The following ZBTB7B variants were observed in gnomAD, a reference collection of about 807,000 sequenced individuals.
The protein encoded by ZBTB7B is zinc finger and BTB domain containing 7B, also known as zinc finger and BTB domain-containing protein 7B.
In ZBTB7B, 8 loss-of-function variants were observed where a neutral mutation model predicts 31.0. That is an observed-to-expected ratio of 0.26 (90% CI 0.15 to 0.47). The LOEUF (loss-of-function observed/expected upper bound fraction) is 0.47, where lower values mean the gene tolerates loss of function less well. Ranked by LOEUF, ZBTB7B falls within the 20% of genes least tolerant of loss-of-function variation. ZBTB7B has a pLI of 0.99. For synonymous variants in ZBTB7B, 261 were observed against 307.3 expected (o/e 0.85, Z 1.58); for missense variants, 494 against 742.4 (o/e 0.67, Z 3.89).
rs1470053989 is a variant in ZBTB7B at position 155,015,524 on chromosome 1, T to C, written c.864T>C (p.Tyr288=). The part of the protein sequence containing the change: ...EEEELVYPPA[Y]GLAQGGGPPL... Reference sequence around the variant, plus strand: ...AGGAGCTGGTATATCCCCCAGCCTATGGGCTGGCGCAGGGTGGCGGGCCCC... The same window carrying C: ...AGGAGCTGGTATATCCCCCAGCCTACGGGCTGGCGCAGGGTGGCGGGCCCC... The change falls in exon 2 of 3, where the codon TAT becomes TAC. Residue 288 remains tyrosine (Y), a synonymous_variant. Transcript: ENST00000535420. 3 of 1,613,910 alleles carry C rather than the reference T, an allele frequency of 1.9e-6. No homozygotes were observed. Among genetic ancestry groups the C allele is most frequent in the Non-Finnish European group, 2.5e-6 (3 of 1,179,946 alleles).
In ZBTB7B at chr1:155,015,187, A is replaced by C; in HGVS notation, c.527A>C (p.Asn176Thr). 2 of 1,613,712 alleles carry C rather than the reference A, an allele frequency of 1.2e-6. No individual in the cohort carries two copies. The highest frequency in any genetic ancestry group is 1.7e-6 in the Non-Finnish European group (2 of 1,180,002). Residue 176 changes from asparagine (N) to threonine (T), a missense_variant, in exon 2 of 3, where the codon AAT becomes ACT. Transcript: ENST00000535420. ...FATATASGVP[N>T]GEDSPPQVPL... ...ACAGCCACGGCCTCTGGAGTTCCCA[A>C]TGGTGAAGACAGTCCTCCACAGGTG...
chr1:155,015,513 C>A lies in ZBTB7B; in HGVS notation c.853C>A (p.Pro285Thr), dbSNP rs918481613. 6.2e-7 allele frequency: 1 copy of A among 1,613,802 alleles called. No individual in the cohort carries two copies. The highest frequency in any genetic ancestry group is 8.5e-7 in the Non-Finnish European group (1 of 1,179,876). ...GEEEEEELVY[P>T]PAYGLAQGGG... Reference sequence around the variant, plus strand: ...GGAAGAAGAAGAGGAGCTGGTATATCCCCCAGCCTATGGGCTGGCGCAGGG... The same window carrying A: ...GGAAGAAGAAGAGGAGCTGGTATATACCCCAGCCTATGGGCTGGCGCAGGG... The change falls in exon 2 of 3, where the codon CCC becomes ACC. Residue 285 changes from proline to threonine, a missense_variant. Coordinates refer to ENST00000535420, the MANE Select transcript of ZBTB7B (RefSeq NM_001256455.2).
chr1:155,009,121 T>C (rs561137045), intron 1 of ZBTB7B, among the ~76,000 whole-genome samples: 4 of 152,300 alleles, frequency 2.6e-5, no homozygotes, highest in African/African-American at 9.6e-5. Flanking sequence ...TTTAGGGAAC[T>C]GAGGGCTTGA....
intron 1 of ZBTB7B, among the ~76,000 whole-genome samples, chr1:155,007,496 G>A (rs1658631774): frequency 6.6e-6 from 1 of 152,204 alleles, no homozygotes; most frequent in African/African-American, 2.4e-5. Context: ...AGAGACACTG[G>A]CCCCCACCCT....
rs988320772 is a variant in ZBTB7B, at chr1:155,017,364, CCCCGCCCAGCTA to C, written c.*680_*691del. The C allele has an allele frequency of 9.8e-6, 1 of 102,094 alleles. No homozygotes were observed. Among genetic ancestry groups the C allele is most frequent in the African/African-American group, 3.3e-5 (1 of 30,626 alleles). The allele number at this position is 102,094 out of a possible 1,614,324, so 6.3% of individuals were successfully genotyped here. A position where few individuals can be genotyped will look rare whatever the true frequency, so the allele number is the denominator to read the frequency against. On this transcript the variant is annotated 3_prime_UTR_variant, in exon 3 of 3. Coordinates refer to ENST00000535420, the MANE Select transcript of ZBTB7B (RefSeq NM_001256455.2). ...CCTGCCCCTGGGGGCAGTAGAGGGG[CCCCGCCCAGCTA>C]GGGGAGCCGCTCCGTTCCACTCCCC...
At chr1:155,015,900 AGGT>A (rs1659370420) in intron 2 of ZBTB7B, 86 bp downstream of exon 2, 1 of 1,483,102 alleles carries the variant, frequency 6.7e-7, no homozygotes, top group Non-Finnish European at 9.1e-7. Flanking sequence ...AGGAGACCCG[AGGT>A]GGTGGTAGGT....
chr1:155,002,116 C>A (rs1187643450), upstream of ZBTB7B, among the ~76,000 whole-genome samples: 1 of 151,960 alleles, frequency 6.6e-6, no homozygotes, highest in Non-Finnish European at 1.5e-5. Flanking sequence ...ACTGCCCCCT[C>A]CCCCCTCCTC....
At chr1:155,011,415 C>T (rs1335321764) in intron 1 of ZBTB7B, among the ~76,000 whole-genome samples, 1 of 152,262 alleles carries the variant, frequency 6.6e-6, no homozygotes, top group East Asian at 1.9e-4. Flanking sequence ...GCACTCCCAC[C>T]TTTACCCCCT....
chr1:155,015,374 G>A lies in ZBTB7B; in HGVS notation c.714G>A (p.Val238=). The A allele has an allele frequency of 6.4e-7, 1 of 1,573,624 alleles. No homozygotes were observed. Among genetic ancestry groups the A allele is most frequent in the Non-Finnish European group, 8.6e-7 (1 of 1,156,336 alleles). ...AHPLTYEEEE[V]AGRVGSSGGS... The stretch of plus-strand genomic sequence containing the variant: ...CCTTGACCTATGAGGAGGAGGAGGT[G>A]GCGGGCAGAGTGGGCAGCAGTGGGG... The change falls in exon 2 of 3, where the codon GTG becomes GTA. Residue 238 remains valine, a synonymous_variant. Coordinates refer to ENST00000535420, the MANE Select transcript of ZBTB7B (RefSeq NM_001256455.2).
At position 155,004,746 on chromosome 1, in the gene ZBTB7B, C is replaced by CA. The variant is rs1658456028; in HGVS notation, c.-7+1803_-7+1804insA. Among the ~76,000 whole-genome samples, 1 of 151,876 alleles carries CA rather than the reference C, an allele frequency of 6.6e-6. No individual in the cohort carries two copies. The highest frequency in any genetic ancestry group is 2.4e-5 in the African/African-American group (1 of 41,314). ...TCTCTGTCAGTGCCTCTGTCCCTGG[C>CA]CCCAGGGACCCCAGCTCCCCCAGCG... On this transcript the variant is annotated intron_variant, in intron 1 of 2. Transcript: ENST00000535420. The surrounding 1 kb of genome is among the most constrained non-coding windows in gnomAD (Gnocchi z 4.0).
intron 1 of ZBTB7B, among the ~76,000 whole-genome samples, chr1:155,009,705 G>A (rs1658820126): frequency 6.6e-6 from 1 of 152,126 alleles, no homozygotes; most frequent in Admixed American, 6.5e-5. Flanking sequence ...AAAGTGGGGT[G>A]TGGGTGCCCT....
intron 1 of ZBTB7B, among the ~76,000 whole-genome samples, chr1:155,009,890 G>C (rs1009918975): frequency 1.3e-5 from 2 of 152,112 alleles, no homozygotes. Context: ...AAGGGGAAGA[G>C]AAAGGAGAGG....
At chr1:155,002,492 T>G (rs896864990), upstream of ZBTB7B, 1 of 93,218 alleles carries the variant, frequency 1.1e-5, no homozygotes, top group African/African-American at 4.3e-5. Flanking sequence ...AGGGACTGGC[T>G]GGACGAAGGG....
rs1658415743 is a variant in ZBTB7B at position 155,004,093 on chromosome 1, C to T, written c.-7+1150C>T. On this transcript the variant is annotated intron_variant, in intron 1 of 2. Transcript: ENST00000535420. The surrounding 1 kb of genome is among the most constrained non-coding windows in gnomAD (Gnocchi z 4.0). ...GGGCAGGGGGGCGGGGAGCCTGGGT[C>T]CGGAGCAGGGGAGGGGCAGAGGCGC... Among the ~76,000 whole-genome samples the T allele has an allele frequency of 6.6e-6, 1 of 152,308 alleles. No homozygotes were observed. The highest frequency in any genetic ancestry group is 1.5e-5 in the Non-Finnish European group (1 of 68,006).
upstream of ZBTB7B, among the ~76,000 whole-genome samples, chr1:155,002,039 A>G (rs1558082123): frequency 6.6e-6 from 1 of 151,070 alleles, no homozygotes; most frequent in African/African-American, 2.4e-5. Flanking sequence ...TCCTGACCCT[A>G]CAGAAGCCCC....
rs1457872177 is a variant in ZBTB7B at position 155,004,701 on chromosome 1, G to A, written c.-7+1758G>A. On this transcript the variant is annotated intron_variant, in intron 1 of 2. Transcript: ENST00000535420. This position sits in a 1 kb window ranked among gnomAD's most constrained non-coding sequence, Gnocchi z 4.0. ...AGGGTAGGGGGCTCCCCCTGGAGCA[G>A]CTGATGAAACAAGGAGAAATCTCTG... Among the ~76,000 whole-genome samples the A allele has an allele frequency of 6.6e-6, 1 of 152,090 alleles. No homozygotes were observed. The highest frequency in any genetic ancestry group is 1.5e-5 in the Non-Finnish European group (1 of 67,972).
chr1:155,014,608 C>T, intron 1 of ZBTB7B, 47 bp from the exon 2 acceptor site: 1 of 1,549,798 alleles, frequency 6.5e-7, no homozygotes, highest in African/African-American at 1.4e-5. Flanking sequence ...TTCCCCAGAC[C>T]CCTGTGGGCT....
rs1202807575 is a variant in ZBTB7B at position 155,003,228 on chromosome 1, CG to C, written c.-7+288del. Among the ~76,000 whole-genome samples, 4 of 152,182 alleles carry C rather than the reference CG, an allele frequency of 2.6e-5. No homozygotes were observed. The highest frequency in any genetic ancestry group is 9.7e-5 in the African/African-American group (4 of 41,438). On this transcript the variant is annotated intron_variant, in intron 1 of 2. Transcript: ENST00000535420. This position sits in a 1 kb window ranked among gnomAD's most constrained non-coding sequence, Gnocchi z 5.8. ...CTGGGATCAGACAGACAGACGGCTT[CG>C]GGATGGAGAGGGGGTGAGGCGACGC... is the stretch of plus-strand genomic sequence containing the variant.
intron 1 of ZBTB7B, among the ~76,000 whole-genome samples, chr1:155,006,125 C>G (rs945142979): frequency 9.2e-5 from 14 of 152,214 alleles, no homozygotes; most frequent in African/African-American, 3.4e-4. Flanking sequence ...GGGAAAGGCA[C>G]CCAGCTACCA....
Sources: gnomAD v4.1 joint callset for allele counts (sites outside exome capture counted in the v4.1 genomes callset) on GRCh38, gnomAD v4.1.1 for gene constraint, Gnocchi (gnomAD v3.1) non-coding constraint, MANE v1.5 for transcripts, NCBI Gene and HGNC (gene_info 2026-07-23, HGNC 2026-07-21) for gene names.